Variants in CLVS1 observed in about 807,000 individuals in gnomAD.
CLVS1 encodes the protein clavesin 1.
CLVS1 carries 10 observed loss-of-function variants against 33.1 expected under a neutral mutation model. The ratio of observed to expected loss-of-function variants is 0.30; its 90% CI spans 0.19 to 0.51. CLVS1 has a LOEUF of 0.51. Ranked by LOEUF, CLVS1 falls within the 20% of genes least tolerant of loss-of-function variation. The pLI is 0.97. For synonymous variants in CLVS1, 163 were observed against 166.1 expected, an observed-to-expected ratio of 0.98 and a Z score of 0.14; for missense variants, 343 against 433.4, an observed-to-expected ratio of 0.79 and a Z score of 1.85.
chr8:61,037,574 A>C, the CLVS1 span, among the ~76,000 whole-genome samples: 1 of 152,234 alleles, frequency 6.6e-6, no homozygotes, highest in South Asian at 2.1e-4. Flanking sequence ...AGCTATTGTG[A>C]ATAGTGCTGC....
At chr8:61,383,202 TCACCTGCC>T (rs562957132) in intron 3 of CLVS1, among the ~76,000 whole-genome samples, 60 of 152,350 alleles carry the variant, frequency 3.9e-4, no homozygotes, top group African/African-American at 1.4e-3. Context: ...GAGATTGGTG[TCACCTGCC>T]CACGCAGTGA....
At chr8:60,985,319 G>A in the CLVS1 span, among the ~76,000 whole-genome samples, 1 of 152,234 alleles carries the variant, frequency 6.6e-6, no homozygotes, top group Non-Finnish European at 1.5e-5. Flanking sequence ...AGACCCTGCT[G>A]TCGGGATAAC....
chr8:61,096,178 G>A (rs1040597180), intron 1 of CLVS1, among the ~76,000 whole-genome samples: 1 of 152,134 alleles, frequency 6.6e-6, no homozygotes, highest in African/African-American at 2.4e-5. Context: ...TATGCTCGAT[G>A]TTCTGAAAAT....
rs539686431 is a variant in CLVS1 at position 61,500,358 on chromosome 8, C to T, written c.*816C>T. Reference sequence around the variant, plus strand: ...GTGATTAATGAATCCATTCCAGTTGCCTCAACTGGGTCACTACAGCAAAGA... The same window carrying T: ...GTGATTAATGAATCCATTCCAGTTGTCTCAACTGGGTCACTACAGCAAAGA... On this transcript the variant is annotated 3_prime_UTR_variant, in exon 6 of 6. Coordinates refer to ENST00000325897, the MANE Select transcript of CLVS1 (RefSeq NM_173519.3). 8 of 152,294 alleles carry T rather than the reference C, an allele frequency of 5.3e-5. No homozygotes were observed. Among genetic ancestry groups the T allele is most frequent in the African/African-American group, 1.9e-4 (8 of 41,562 alleles). The allele number at this position is 152,294 out of a possible 1,614,324, so 9.4% of individuals were successfully genotyped here.
chr8:60,980,506 C>T, the CLVS1 span, among the ~76,000 whole-genome samples: 160 of 152,268 alleles, frequency 1.1e-3, no homozygotes, highest in African/African-American at 3.6e-3. Flanking sequence ...GAAAAAGGGG[C>T]CGGGTGGGAT....
chr8:61,452,990 C>T (rs1003309550), intron 3 of CLVS1, among the ~76,000 whole-genome samples: 2 of 152,112 alleles, frequency 1.3e-5, no homozygotes, highest in Non-Finnish European at 2.9e-5. Context: ...AAAAACGACC[C>T]GGGTGAGGCA....
chr8:61,383,971 GAA>G (rs1443949075), intron 3 of CLVS1, among the ~76,000 whole-genome samples: 3 of 152,146 alleles, frequency 2.0e-5, no homozygotes, highest in Admixed American at 6.5e-5. Context: ...AAAATATTTG[GAA>G]AAAGAGACAT....
chr8:61,183,841 C>G (rs900917300), intron 2 of CLVS1, among the ~76,000 whole-genome samples: 1 of 152,160 alleles, frequency 6.6e-6, no homozygotes, highest in Non-Finnish European at 1.5e-5. Flanking sequence ...ATGCATATGA[C>G]AAGCTCAGGA....
chr8:61,229,080 T>C (rs745872324), intron 2 of CLVS1, among the ~76,000 whole-genome samples: 3 of 152,200 alleles, frequency 2.0e-5, no homozygotes, highest in Non-Finnish European at 2.9e-5. Context: ...TTTTTGATGA[T>C]TGATGATGTT....
At chr8:61,406,561 T>A (rs1439177276) in intron 3 of CLVS1, among the ~76,000 whole-genome samples, 1 of 152,042 alleles carries the variant, frequency 6.6e-6, no homozygotes, top group African/African-American at 2.4e-5. Context: ...AAATGTAAGC[T>A]AGTTTCTGAT....
the CLVS1 span, among the ~76,000 whole-genome samples, chr8:61,009,678 A>G: frequency 6.6e-6 from 1 of 152,000 alleles, no homozygotes; most frequent in Admixed American, 6.6e-5. Flanking sequence ...CTTACTTGTT[A>G]TATATATTTT....
At chr8:61,093,368 G>A (rs1182665824) in intron 1 of CLVS1, among the ~76,000 whole-genome samples, 2 of 152,160 alleles carry the variant, frequency 1.3e-5, no homozygotes, top group Non-Finnish European at 2.9e-5. Context: ...AGCCTCTATG[G>A]CTATAGAATT....
At chr8:61,254,873 G>A (rs910412610) in intron 2 of CLVS1, among the ~76,000 whole-genome samples, 1 of 152,176 alleles carries the variant, frequency 6.6e-6, no homozygotes, top group African/African-American at 2.4e-5. Flanking sequence ...CTTCCCGGGT[G>A]AGGTGATGCC....
At chr8:61,319,433 G>C (rs1811120305) in intron 2 of CLVS1, among the ~76,000 whole-genome samples, 1 of 152,308 alleles carries the variant, frequency 6.6e-6, no homozygotes, top group Non-Finnish European at 1.5e-5. Context: ...CCAAAGACAG[G>C]AAGGCAATGT....
At chr8:61,340,081 GGAAA>G (rs953790437) in intron 2 of CLVS1, among the ~76,000 whole-genome samples, 54 of 148,206 alleles carry the variant, frequency 3.6e-4, no homozygotes, top group African/African-American at 1.3e-3. Flanking sequence ...GAAAAAGAAA[GGAAA>G]GAAAGAAAAA....
At chr8:61,143,198 T>C (rs1806342010) in intron 2 of CLVS1, among the ~76,000 whole-genome samples, 1 of 152,212 alleles carries the variant, frequency 6.6e-6, no homozygotes, top group African/African-American at 2.4e-5. Context: ...GGATAAAATA[T>C]ACTTTTAAAA....
chr8:61,293,598 A>G (rs1278980192), intron 1 of CLVS1, among the ~76,000 whole-genome samples: 1 of 152,216 alleles, frequency 6.6e-6, no homozygotes, highest in Non-Finnish European at 1.5e-5. Flanking sequence ...GCTTAGATAT[A>G]TCAGCAGCAT....
At chr8:61,208,278 A>G (rs116629799) in intron 2 of CLVS1, among the ~76,000 whole-genome samples, 2,649 of 152,314 alleles carry the variant, frequency 0.017, 71 homozygotes, top group African/African-American at 0.06. Flanking sequence ...TTTCAACTGT[A>G]TGGCAGAATT....
intron 3 of CLVS1, among the ~76,000 whole-genome samples, chr8:61,429,457 A>G (rs1017444077): frequency 6.7e-6 from 1 of 150,348 alleles, no homozygotes; most frequent in African/African-American, 2.5e-5. Context: ...TGCAAGAGAA[A>G]GGAAAGGGTT....
Sources: gnomAD v4.1 joint callset for allele counts (sites outside exome capture counted in the v4.1 genomes callset) on GRCh38, gnomAD v4.1.1 for gene constraint, MANE v1.5 for transcripts, NCBI Gene and HGNC (gene_info 2026-07-23, HGNC 2026-07-21) for gene names.